EYS: variants seen among roughly 807,000 people sequenced by gnomAD.
EYS encodes EGF-like photoreceptor maintenance factor, also known as protein eyes shut homolog.
Under a neutral mutation model 282.1 loss-of-function variants are expected in EYS, and 250 were observed. The observed-to-expected ratio is 0.89, with a 90% CI of 0.80 to 0.98. EYS has a LOEUF of 0.98. Ranked by LOEUF, EYS falls within the 50% of genes least tolerant of loss-of-function variation. EYS has a pLI of 0.00. For synonymous variants in EYS, 1,355 were observed against 1,282.9 expected, an observed-to-expected ratio of 1.06 and a Z score of -1.20; for missense variants, 4,016 against 3,709.0, an observed-to-expected ratio of 1.08 and a Z score of -2.15.
chr6:65,704,240 A>T (rs1769789401), intron 1 of EYS, among the ~76,000 whole-genome samples: 1 of 152,236 alleles, frequency 6.6e-6, no homozygotes, highest in Non-Finnish European at 1.5e-5. Context: ...AGCACATTAC[A>T]TACAATAGTT....
intron 19 of EYS, among the ~76,000 whole-genome samples, chr6:64,852,365 C>T (rs1004054212): frequency 5.3e-5 from 8 of 152,084 alleles, no homozygotes; most frequent in Non-Finnish European, 1.2e-4. Context: ...CTGTCTTAGC[C>T]TCCCAGCCTA....
chr6:64,468,222 A>T (rs1341481981), intron 26 of EYS, among the ~76,000 whole-genome samples: 2 of 152,168 alleles, frequency 1.3e-5, no homozygotes, highest in Non-Finnish European at 2.9e-5. Flanking sequence ...CACAGCCTCC[A>T]ATAATAAACA....
At chr6:64,865,235 A>G (rs1460422668) in intron 19 of EYS, among the ~76,000 whole-genome samples, 1 of 152,180 alleles carries the variant, frequency 6.6e-6, no homozygotes, top group Non-Finnish European at 1.5e-5. Flanking sequence ...GAAATAAAAA[A>G]TTGCATATAT....
intron 26 of EYS, among the ~76,000 whole-genome samples, chr6:64,556,327 C>A (rs1395234761): frequency 6.6e-6 from 1 of 151,802 alleles, no homozygotes; most frequent in Non-Finnish European, 1.5e-5. Flanking sequence ...GTACATGCAG[C>A]AGTAAAGATA....
At chr6:64,666,580 G>A (rs1239644413) in intron 22 of EYS, among the ~76,000 whole-genome samples, 1 of 152,124 alleles carries the variant, frequency 6.6e-6, no homozygotes, top group East Asian at 1.9e-4. Flanking sequence ...TGTAATGTCT[G>A]TTGTCTTCTT....
intron 35 of EYS, among the ~76,000 whole-genome samples, chr6:63,932,775 C>T (rs1046513923): frequency 1.3e-5 from 2 of 152,238 alleles, no homozygotes; most frequent in Non-Finnish European, 2.9e-5. Context: ...CCAGTAGACA[C>T]CAGTTGACAT....
At chr6:64,040,095 A>G (rs1309822423) in intron 33 of EYS, among the ~76,000 whole-genome samples, 1 of 152,216 alleles carries the variant, frequency 6.6e-6, no homozygotes, top group Non-Finnish European at 1.5e-5. Context: ...GTTCCAAGTT[A>G]GAACTGAAAA....
chr6:65,067,290 G>C (rs1773774747), intron 12 of EYS, among the ~76,000 whole-genome samples: 2 of 151,904 alleles, frequency 1.3e-5, no homozygotes, highest in South Asian at 4.1e-4. Flanking sequence ...TATTCTTTCT[G>C]AATAGCTGGA....
intron 12 of EYS, among the ~76,000 whole-genome samples, chr6:65,287,954 C>A (rs975334136): frequency 6.6e-6 from 1 of 151,004 alleles, no homozygotes; most frequent in Non-Finnish European, 1.5e-5. Context: ...GTCCAGGGAT[C>A]AAAGTAGGCA....
intron 2 of EYS, among the ~76,000 whole-genome samples, chr6:65,499,114 G>GT (rs1266255727): frequency 6.6e-6 from 1 of 152,074 alleles, no homozygotes; most frequent in East Asian, 1.9e-4. Context: ...TGTATGAACT[G>GT]TATCACTTTT....
At chr6:64,693,164 T>C (rs1188636699) in intron 22 of EYS, among the ~76,000 whole-genome samples, 4 of 151,696 alleles carry the variant, frequency 2.6e-5, no homozygotes, top group Non-Finnish European at 5.9e-5. Context: ...TAGAAATTTT[T>C]AAAAAGTTAG....
chr6:65,686,605 T>C (rs1769023799), intron 1 of EYS, among the ~76,000 whole-genome samples: 1 of 152,168 alleles, frequency 6.6e-6, no homozygotes, highest in Non-Finnish European at 1.5e-5. Context: ...CATATGTTTG[T>C]TAAACAAACT....
intron 2 of EYS, among the ~76,000 whole-genome samples, chr6:65,546,185 GTTTT>G (rs5876969): frequency 7.9e-6 from 1 of 126,864 alleles, no homozygotes; most frequent in African/African-American, 3.0e-5. Context: ...CATCTGTCTA[GTTTT>G]TTTTTTTTTT....
rs1433487636 is a variant in EYS, at chr6:63,826,757, G to GA, written c.7229-20386dup. Among the ~76,000 whole-genome samples, 4 of 133,184 alleles carry GA rather than the reference G, an allele frequency of 3.0e-5. No homozygotes were observed. In the South Asian group the frequency reaches 7.3e-4, roughly 24 times the overall value. The allele number at this position is 133,184 out of a possible 152,430, so 87.4% of individuals were successfully genotyped here. ...TGCTAAAAGGAGCTCTAAATCTTGG[G>GA]AAAAAAATCCTGTAAACACATCAAA... On this transcript the variant is annotated intron_variant, in intron 36 of 42. Transcript: ENST00000503581.
At chr6:64,688,865 T>G (rs1399119551) in intron 22 of EYS, among the ~76,000 whole-genome samples, 1 of 152,010 alleles carries the variant, frequency 6.6e-6, no homozygotes, top group Non-Finnish European at 1.5e-5. Context: ...GCCAATATCA[T>G]ACTGAATGGA....
At chr6:65,265,802 AT>A (rs1030535038) in intron 12 of EYS, among the ~76,000 whole-genome samples, 1 of 151,920 alleles carries the variant, frequency 6.6e-6, no homozygotes, top group African/African-American at 2.4e-5. Context: ...AAATGCTCTT[AT>A]TTTTTAGCTA....
At chr6:64,979,002 G>A (rs62416482) in intron 14 of EYS, among the ~76,000 whole-genome samples, 19,068 of 151,788 alleles carry the variant, frequency 0.13, 1,409 homozygotes, top group East Asian at 0.23. Flanking sequence ...GACAAAATGG[G>A]ATTTAGAATA....
At chr6:63,840,200 A>T (rs1771917468) in intron 36 of EYS, among the ~76,000 whole-genome samples, 1 of 123,744 alleles carries the variant, frequency 8.1e-6, no homozygotes, top group Non-Finnish European at 1.7e-5. Flanking sequence ...GTTGCCTGCC[A>T]CCATGCCCAT....
rs964978113 is a variant in EYS, at chr6:63,950,497, C to A, written c.7055+33886G>T. The stretch of plus-strand genomic sequence containing the variant: ...ACCCCTATCTCCCTTCTCTGACTCT[C>A]TTTTCAGACTCAGCCCACCTGCACC... On this transcript the variant is annotated intron_variant, in intron 35 of 42. Coordinates refer to ENST00000503581, the MANE Select transcript of EYS (RefSeq NM_001142800.2). Among the ~76,000 whole-genome samples, 36 of 152,196 alleles carry A rather than the reference C, an allele frequency of 2.4e-4. 2 individuals carry two copies. Among genetic ancestry groups the A allele is most frequent in the Admixed American group, 2.3e-3 (35 of 15,292 alleles).
Sources: allele counts gnomAD v4.1 joint callset (sites outside exome capture counted in the v4.1 genomes callset), GRCh38; gene constraint gnomAD v4.1.1; transcripts MANE v1.5; gene names NCBI Gene and HGNC (gene_info 2026-07-23, HGNC 2026-07-21).